The following ZFP69 variants were observed in gnomAD, a reference collection of about 807,000 sequenced individuals.
ZFP69 encodes zinc finger protein 69 homolog.
ZFP69 carries 35 observed loss-of-function variants against 48.9 expected under a neutral mutation model. The observed-to-expected ratio is 0.72, with a 90% confidence interval of 0.55 to 0.95. The LOEUF (loss-of-function observed/expected upper bound fraction) is 0.95. Among genes scored for constraint, ZFP69 ranks in the 40% least tolerant of loss-of-function variants. ZFP69 has a pLI of 0.00. For synonymous variants in ZFP69, 193 were observed against 216.8 expected (o/e 0.89, Z 0.96); for missense variants, 557 against 638.4 (o/e 0.87, Z 1.37).
Position 40,495,699 on chromosome 1 carries a change from G to A in ZFP69, c.1221G>A (p.Gly407=), listed in dbSNP as rs778216699. 1 of 1,614,056 alleles carries A rather than the reference G, an allele frequency of 6.2e-7. No individual in the cohort carries two copies. Among genetic ancestry groups the A allele is most frequent in the South Asian group, 1.1e-5 (1 of 91,076 alleles). Residue 407 remains glycine, a synonymous_variant, in exon 6 of 6, where the codon GGG becomes GGA. Transcript: ENST00000372706. ...GTGAACATATAAGAATTCATACCGGGGAGAAGCCCTATGCATGCACTGCAT... is the reference window on the plus strand; with the variant it reads ...GTGAACATATAAGAATTCATACCGGAGAGAAGCCCTATGCATGCACTGCAT... ...HLSEHIRIHT[G]EKPYACTACC...
In ZFP69 at chr1:40,495,321, A is replaced by G. The variant is rs1026331389; in HGVS notation, c.843A>G (p.Lys281=). ...GTAATATATGTGAAAAAATCTTCAA[A>G]CAACCTATTCACCTTACTGAACATA... ...YECNICEKIF[K]QPIHLTEHMR... The change falls in exon 6 of 6, where the codon AAA becomes AAG. Residue 281 remains lysine (K), a synonymous_variant. Coordinates refer to ENST00000372706, the MANE Select transcript of ZFP69 (RefSeq NM_001320179.2). 2 of 1,614,064 alleles carry G rather than the reference A, an allele frequency of 1.2e-6. No individual in the cohort carries two copies. The highest frequency in any genetic ancestry group is 1.7e-6 in the Non-Finnish European group (2 of 1,180,038).
At chr1:40,493,374 A>G (rs1645589061) in intron 5 of ZFP69, 1 of 152,218 alleles carries the variant, frequency 6.6e-6, no homozygotes, top group African/African-American at 2.4e-5. Context: ...TCAACTTACA[A>G]TAATGAAAAT....
chr1:40,486,476 T>TCCTCCCTC (rs879356911), intron 3 of ZFP69, among the ~76,000 whole-genome samples: 1 of 90,874 alleles, frequency 1.1e-5, no homozygotes, highest in Non-Finnish European at 2.1e-5. Context: ...CCTCCTTTCT[T>TCCTCCCTC]CCTCCCTCCC....
Position 40,489,385 on chromosome 1 carries a change from C to T in ZFP69, c.347-144C>T, listed in dbSNP as rs569466456. ...TATCCAATTTGACTTTCTTGGGGAA[C>T]AACTTTACTACACATAGTTAGGATA... On this transcript the variant is annotated intron_variant, in intron 4 of 5. Transcript: ENST00000372706. 3.4e-4 allele frequency: 378 copies of T among 1,116,884 alleles called. 1 individual carries two copies. The highest frequency in any genetic ancestry group is 2.5e-3 in the Admixed American group (96 of 37,866). The allele number at this position is 1,116,884 out of a possible 1,614,324, so 69.2% of individuals were successfully genotyped here. A position where few individuals can be genotyped will look rare whatever the true frequency, so the allele number is the denominator to read the frequency against.
In ZFP69 at chr1:40,495,260, A is replaced by T. The variant is rs548238668; in HGVS notation, c.782A>T (p.His261Leu). 78 of 1,614,082 alleles carry T rather than the reference A, an allele frequency of 4.8e-5. No individual in the cohort carries two copies. The South Asian group carries it at 8.1e-4, about 17-fold the overall frequency. The change falls in exon 6 of 6, where the codon CAT becomes CTT. Residue 261 changes from histidine to leucine, a missense_variant. By Grantham distance (99) the His-to-Leu change is moderately conservative. Coordinates refer to ENST00000372706, the MANE Select transcript of ZFP69 (RefSeq NM_001320179.2). ...ACATACAAATTAGATTTGATTAATC[A>T]TCCAACAAGTTACATAAGAACAAAA... ...RNTYKLDLIN[H>L]PTSYIRTKTY...
chr1:40,481,812 A>G lies in ZFP69; in HGVS notation c.177A>G (p.Leu59=). Reference sequence around the variant, plus strand: ...ACGTAAAGACCCAGAGAGAAAGTTTAGAGGATGAAGTGACCCCTGGACTCC... The same window carrying G: ...ACGTAAAGACCCAGAGAGAAAGTTTGGAGGATGAAGTGACCCCTGGACTCC... ...AEDVKTQRES[L]EDEVTPGLPT... is the part of the protein sequence containing the mutation. Residue 59 remains leucine (L), a synonymous_variant, in exon 3 of 6, where the codon TTA becomes TTG. Transcript: ENST00000372706. The G allele has an allele frequency of 1.9e-6, 3 of 1,613,332 alleles. No individual in the cohort carries two copies. In the South Asian group the frequency reaches 3.3e-5, roughly 18 times the overall value.
intron 3 of ZFP69, among the ~76,000 whole-genome samples, chr1:40,487,297 A>G (rs1645511264): frequency 6.6e-6 from 1 of 152,204 alleles, no homozygotes; most frequent in Non-Finnish European, 1.5e-5. Flanking sequence ...CAATAAATAT[A>G]TTGAAACATT....
intron 3 of ZFP69, among the ~76,000 whole-genome samples, chr1:40,484,883 CTTTTTTTTTTT>C (rs71060386): frequency 4.5e-5 from 2 of 44,392 alleles, no homozygotes; most frequent in African/African-American, 1.1e-4. Context: ...GCCTGGCCTG[CTTTTTTTTTTT>C]TTTTTTTTTT....
In ZFP69 at chr1:40,481,442, G is replaced by A. The variant is rs531668426; in HGVS notation, c.128-321G>A. 1.1e-4 allele frequency among the ~76,000 whole-genome samples: 16 copies of A among 152,260 alleles called. 1 individual carries two copies. In the South Asian group the frequency reaches 3.3e-3, roughly 32 times the overall value. ...TTGAGGATTTTTGAACAAAGGAGTG[G>A]CCTGTTAGAGCTGTGCTTTTGGACC... On this transcript the variant is annotated intron_variant, in intron 2 of 5. Coordinates refer to ENST00000372706, the MANE Select transcript of ZFP69 (RefSeq NM_001320179.2).
intron 5 of ZFP69, among the ~76,000 whole-genome samples, 158 bp from the exon 6 acceptor site, chr1:40,494,763 C>G (rs77743999): frequency 0.057 from 8,496 of 148,160 alleles, 344 homozygotes; most frequent in African/African-American, 0.1. Flanking sequence ...TTAACCTGTT[C>G]ACTGTTTCTT....
chr1:40,489,866 CTTTTTTTTTTTT>C (rs374820239), intron 5 of ZFP69, among the ~76,000 whole-genome samples: 5 of 115,430 alleles, frequency 4.3e-5, no homozygotes, highest in Non-Finnish European at 8.7e-5. Flanking sequence ...TTTTCTTTTT[CTTTTTTTTTTTT>C]TTTTTTTTTT....
Position 40,496,281 on chromosome 1 carries a change from G to T in ZFP69, c.*222G>T. ...TAAAATTAAATGAATTCAGCATTAT[G>T]AAAAATTCATAACAGTTTTTTTCTG... On this transcript the variant is annotated 3_prime_UTR_variant, in exon 6 of 6. Transcript: ENST00000372706. 1 of 394,532 alleles carries T rather than the reference G, an allele frequency of 2.5e-6. No homozygotes were observed. Among genetic ancestry groups the T allele is most frequent in the Non-Finnish European group, 4.5e-6 (1 of 223,956 alleles). The allele number at this position is 394,532 out of a possible 1,614,324, so 24.4% of individuals were successfully genotyped here. A position where few individuals can be genotyped will look rare whatever the true frequency, so the allele number is the denominator to read the frequency against.
intron 2 of ZFP69, among the ~76,000 whole-genome samples, chr1:40,480,339 C>T (rs952976629): frequency 6.7e-6 from 1 of 149,058 alleles, no homozygotes; most frequent in Non-Finnish European, 1.5e-5. Context: ...AATCTCAGCT[C>T]ACTGCAACTC....
Position 40,495,650 on chromosome 1 carries a change from C to A in ZFP69, c.1172C>A (p.Thr391Asn). ...TTTACTTGCAATGAATGTGGGAAAA[C>A]CTTTAGACAGATTAGACACCTTAGT... is the stretch of plus-strand genomic sequence containing the variant. Reference protein sequence around the residue: ...KPFTCNECGKTFRQIRHLSEH... With the variant: ...KPFTCNECGKNFRQIRHLSEH... Residue 391 changes from threonine to asparagine, a missense_variant, in exon 6 of 6, where the codon ACC becomes AAC. By Grantham distance (65) the Thr-to-Asn change is moderately conservative. Transcript: ENST00000372706. 2 of 1,614,186 alleles carry A rather than the reference C, an allele frequency of 1.2e-6. No individual in the cohort carries two copies. The highest frequency in any genetic ancestry group is 1.7e-6 in the Non-Finnish European group (2 of 1,180,032).
intron 5 of ZFP69, among the ~76,000 whole-genome samples, chr1:40,494,034 A>G (rs542712324): frequency 6.6e-6 from 1 of 152,152 alleles, no homozygotes; most frequent in Non-Finnish European, 1.5e-5. Context: ...ACAAGTTTCA[A>G]TAAAAGACAG....
rs928994065 is a variant in ZFP69, at chr1:40,495,085, G to A, written c.607G>A (p.Glu203Lys). ...TYDDVLERHQ[E>K]TCMRDVRQAI... ...TGATGATGTCTTAGAAAGGCACCAGGAAACTTGTATGAGAGATGTGAGACA... is the reference window on the plus strand; with the variant it reads ...TGATGATGTCTTAGAAAGGCACCAGAAAACTTGTATGAGAGATGTGAGACA... Residue 203 changes from glutamate to lysine, a missense_variant, in exon 6 of 6, where the codon GAA (glutamate) becomes AAA (lysine). Coordinates refer to ENST00000372706, the MANE Select transcript of ZFP69 (RefSeq NM_001320179.2). 6.8e-6 allele frequency: 11 copies of A among 1,613,892 alleles called. No homozygotes were observed. The highest frequency in any genetic ancestry group is 3.3e-5 in the Admixed American group (2 of 59,990).
intron 3 of ZFP69, among the ~76,000 whole-genome samples, chr1:40,483,590 T>C (rs61082172): frequency 0.057 from 8,753 of 152,236 alleles, 356 homozygotes; most frequent in African/African-American, 0.1. Flanking sequence ...TAAAAAAATT[T>C]AATCCTTTAA....
Position 40,495,667 on chromosome 1 carries a change from C to A in ZFP69, c.1189C>A (p.His397Asn). The A allele has an allele frequency of 6.2e-7, 1 of 1,614,202 alleles. No homozygotes were observed. Among genetic ancestry groups the A allele is most frequent in the Non-Finnish European group, 8.5e-7 (1 of 1,180,034 alleles). The change falls in exon 6 of 6, where the codon CAC becomes AAC. Residue 397 changes from histidine to asparagine, a missense_variant. By Grantham distance (68) the His-to-Asn change is moderately conservative. Coordinates refer to ENST00000372706, the MANE Select transcript of ZFP69 (RefSeq NM_001320179.2). Reference sequence around the variant, plus strand: ...TGGGAAAACCTTTAGACAGATTAGACACCTTAGTGAACATATAAGAATTCA... The same window carrying A: ...TGGGAAAACCTTTAGACAGATTAGAAACCTTAGTGAACATATAAGAATTCA... ...ECGKTFRQIR[H>N]LSEHIRIHTG... is the part of the protein sequence containing the mutation.
chr1:40,484,883 CTTTTTTTTTT>C lies in ZFP69; in HGVS notation c.219+3046_219+3055del, dbSNP rs71060386. Among the ~76,000 whole-genome samples the C allele has an allele frequency of 1.0e-3, 45 of 44,384 alleles. 1 individual carries two copies. The highest frequency in any genetic ancestry group is 3.0e-3 in the East Asian group (3 of 1,008). The allele number at this position is 44,384 out of a possible 152,430, so 29.1% of individuals were successfully genotyped here. A position where few individuals can be genotyped will look rare whatever the true frequency, so the allele number is the denominator to read the frequency against. On this transcript the variant is annotated intron_variant, in intron 3 of 5. Transcript: ENST00000372706. ...GGCATGAGCCACTGCGCCTGGCCTG[CTTTTTTTTTT>C]TTTTTTTTTTTTTTTTGATATGGAG... is the stretch of plus-strand genomic sequence containing the variant.
Sources: allele counts gnomAD v4.1 joint callset (sites outside exome capture counted in the v4.1 genomes callset), GRCh38; gene constraint gnomAD v4.1.1; transcripts MANE v1.5; gene names NCBI Gene and HGNC (gene_info 2026-07-23, HGNC 2026-07-21).